The following AGAP1 variants were observed in gnomAD, a reference collection of about 807,000 sequenced individuals.
AGAP1 encodes arf-GAP with GTPase, ANK repeat and PH domain-containing protein 1.
In AGAP1, 29 loss-of-function variants were observed where a neutral mutation model predicts 105.3. The ratio of observed to expected loss-of-function variants is 0.28; its 90% CI spans 0.21 to 0.38. The LOEUF is 0.38. Among genes scored for constraint, AGAP1 ranks in the 10% least tolerant of loss-of-function variants. The pLI, the probability that AGAP1 is intolerant of heterozygous loss-of-function variation, is 1.00. For missense variants in AGAP1, 998 were observed against 1,165.1 expected (o/e 0.86, Z 2.09); for synonymous variants, 509 against 485.9 (o/e 1.05, Z -0.63).
rs1575651289 is a variant in AGAP1 at position 235,867,536 on chromosome 2, A to T, written c.1051-15809A>T. Among the ~76,000 whole-genome samples, 1 of 123,240 alleles carries T rather than the reference A, an allele frequency of 8.1e-6. No homozygotes were observed. The highest frequency in any genetic ancestry group is 1.7e-5 in the Non-Finnish European group (1 of 57,418). The allele number at this position is 123,240 out of a possible 152,430, so 80.9% of individuals were successfully genotyped here. A position where few individuals can be genotyped will look rare whatever the true frequency, so the allele number is the denominator to read the frequency against. On this transcript the variant is annotated intron_variant, in intron 9 of 17. Transcript: ENST00000304032. The surrounding 1 kb of genome is among the most constrained non-coding windows in gnomAD (Gnocchi z 5.4). The stretch of plus-strand genomic sequence containing the variant: ...ATCATACACCTTATGCTGGTGCTGC[A>T]GTGTGTGTGTGTGTGTGTGTGTGTG...
rs927722509 is a variant in AGAP1 at position 235,793,119 on chromosome 2, C to G, written c.674-4640C>G. ...GAATGACGAGGAACGCCACATGCTG[C>G]TCAGAGGTCCAGGAAGGTGCGACCT... On this transcript the variant is annotated intron_variant, in intron 6 of 17. Coordinates refer to ENST00000304032, the MANE Select transcript of AGAP1 (RefSeq NM_001037131.3). The surrounding 1 kb of genome is among the most constrained non-coding windows in gnomAD (Gnocchi z 5.3). 3.3e-5 allele frequency among the ~76,000 whole-genome samples: 5 copies of G among 152,120 alleles called. No homozygotes were observed. The highest frequency in any genetic ancestry group is 5.9e-5 in the Non-Finnish European group (4 of 68,030).
rs1274332014 is a variant in AGAP1, at chr2:236,020,455, A to G, written c.1646-16106A>G. On this transcript the variant is annotated intron_variant, in intron 13 of 17. Coordinates refer to ENST00000304032, the MANE Select transcript of AGAP1 (RefSeq NM_001037131.3). This position sits in a 1 kb window ranked among gnomAD's most constrained non-coding sequence, Gnocchi z 5.0. ...CTGCTTCCATTTGCTGTCATCTGAGAAGAATCGTCAGTTGTAGAAATTTGG... is the reference window on the plus strand; with the variant it reads ...CTGCTTCCATTTGCTGTCATCTGAGGAGAATCGTCAGTTGTAGAAATTTGG... Among the ~76,000 whole-genome samples the G allele has an allele frequency of 6.6e-6, 1 of 152,226 alleles. No homozygotes were observed. The highest frequency in any genetic ancestry group is 1.5e-5 in the Non-Finnish European group (1 of 68,042).
In AGAP1 at chr2:236,124,178, TCTCG is replaced by T. The variant is rs2059967231; in HGVS notation, c.*60_*63del. 1.3e-6 allele frequency: 2 copies of T among 1,583,528 alleles called. No individual in the cohort carries two copies. Among genetic ancestry groups the T allele is most frequent in the South Asian group, 1.1e-5 (1 of 88,850 alleles). On this transcript the variant is annotated 3_prime_UTR_variant, in exon 18 of 18. Coordinates refer to ENST00000304032, the MANE Select transcript of AGAP1 (RefSeq NM_001037131.3). This position sits in a 1 kb window ranked among gnomAD's most constrained non-coding sequence, Gnocchi z 5.1. ...CTGGGACGCGGCAGCCTCGCCGCAT[TCTCG>T]CTCAGAAGTCGCAGCACGTGAGTCC...
intron 9 of AGAP1, among the ~76,000 whole-genome samples, chr2:235,810,895 A>G (rs995670283): frequency 6.6e-6 from 1 of 151,294 alleles, no homozygotes; most frequent in Non-Finnish European, 1.5e-5. Flanking sequence ...GAAGCAAAGC[A>G]AGAAAAAGCC....
chr2:235,942,760 A>T (rs1465301480), intron 12 of AGAP1, among the ~76,000 whole-genome samples: 6 of 152,074 alleles, frequency 3.9e-5, no homozygotes, highest in African/African-American at 7.2e-5. Flanking sequence ...TTAATTTTTT[A>T]GTCCCCATGT....
chr2:235,522,637 G>A (rs953075598), intron 1 of AGAP1, among the ~76,000 whole-genome samples: 17 of 152,098 alleles, frequency 1.1e-4, no homozygotes, highest in Non-Finnish European at 2.4e-4. Flanking sequence ...TTGCAGGGAC[G>A]GGGTGATGCC....
At chr2:235,884,157 A>G (rs13010456) in intron 10 of AGAP1, among the ~76,000 whole-genome samples, 57,042 of 152,014 alleles carry the variant, frequency 0.38, 11,118 homozygotes, top group South Asian at 0.64. Flanking sequence ...ATGCAGAGAA[A>G]TGTGTAGATT....
chr2:235,656,991 CAATT>C lies in AGAP1; in HGVS notation c.164-52184_164-52181del, dbSNP rs1392522566. Among the ~76,000 whole-genome samples, 3 of 152,160 alleles carry C rather than the reference CAATT, an allele frequency of 2.0e-5. No homozygotes were observed. In the East Asian group the frequency reaches 5.8e-4, roughly 29 times the overall value. On this transcript the variant is annotated intron_variant, in intron 1 of 17. Transcript: ENST00000304032. ...AGACATGCATGATTTTAAATGAATC[CAATT>C]AATATTCCATTGAAAAGTGGAAACC... is the stretch of plus-strand genomic sequence containing the variant.
At chr2:235,835,091 C>T (rs572660807) in intron 9 of AGAP1, among the ~76,000 whole-genome samples, 4 of 152,322 alleles carry the variant, frequency 2.6e-5, no homozygotes, top group South Asian at 4.1e-4. Context: ...CTTTTGCTCT[C>T]CCCGATTGCA....
Position 235,586,028 on chromosome 2 carries a change from C to T in AGAP1, c.163+91179C>T, listed in dbSNP as rs956040416. 1.3e-5 allele frequency among the ~76,000 whole-genome samples: 2 copies of T among 152,054 alleles called. No homozygotes were observed. Among genetic ancestry groups the T allele is most frequent in the African/African-American group, 4.8e-5 (2 of 41,404 alleles). Reference sequence around the variant, plus strand: ...TATTTAGGCAGGTTCTGGCAACAGACTTGGTGTTGGGCTTGAGTGGGAAGG... The same window carrying T: ...TATTTAGGCAGGTTCTGGCAACAGATTTGGTGTTGGGCTTGAGTGGGAAGG... On this transcript the variant is annotated intron_variant, in intron 1 of 17. Coordinates refer to ENST00000304032, the MANE Select transcript of AGAP1 (RefSeq NM_001037131.3). The surrounding 1 kb of genome is among the most constrained non-coding windows in gnomAD (Gnocchi z 4.2).
In AGAP1 at chr2:235,994,547, C is replaced by T. The variant is rs979337981; in HGVS notation, c.1645+25924C>T. On this transcript the variant is annotated intron_variant, in intron 13 of 17. Transcript: ENST00000304032. This position sits in a 1 kb window ranked among gnomAD's most constrained non-coding sequence, Gnocchi z 4.4. ...CACTGTCATCGTCATAGTGGGGACACACTGAGAGGTTACTTTCTACCAAAC... is the reference window on the plus strand; with the variant it reads ...CACTGTCATCGTCATAGTGGGGACATACTGAGAGGTTACTTTCTACCAAAC... Among the ~76,000 whole-genome samples, 3 of 152,128 alleles carry T rather than the reference C, an allele frequency of 2.0e-5. No individual in the cohort carries two copies. The highest frequency in any genetic ancestry group is 4.4e-5 in the Non-Finnish European group (3 of 68,034).
intron 13 of AGAP1, among the ~76,000 whole-genome samples, chr2:235,969,454 G>C (rs2054548437): frequency 6.6e-6 from 1 of 152,208 alleles, no homozygotes; most frequent in Non-Finnish European, 1.5e-5. Context: ...ACAATGGTGA[G>C]AGAGTGTGGT....
In AGAP1 at chr2:235,722,959, G is replaced by A. The variant is rs1340865274; in HGVS notation, c.310+5315G>A. Among the ~76,000 whole-genome samples, 3 of 152,286 alleles carry A rather than the reference G, an allele frequency of 2.0e-5. No individual in the cohort carries two copies. The East Asian group carries it at 5.8e-4, about 29-fold the overall frequency. ...AAGAAAGTTTACAAATTAGCGTTGG[G>A]CCGCATCCAAAGCTGTCCTGGTTGG... On this transcript the variant is annotated intron_variant, in intron 3 of 17. Transcript: ENST00000304032.
chr2:235,692,016 C>T lies in AGAP1; in HGVS notation c.164-17163C>T, dbSNP rs768631598. 1.3e-5 allele frequency among the ~76,000 whole-genome samples: 2 copies of T among 152,188 alleles called. No individual in the cohort carries two copies. Among genetic ancestry groups the T allele is most frequent in the Non-Finnish European group, 2.9e-5 (2 of 68,030 alleles). On this transcript the variant is annotated intron_variant, in intron 1 of 17. Coordinates refer to ENST00000304032, the MANE Select transcript of AGAP1 (RefSeq NM_001037131.3). This position sits in a 1 kb window ranked among gnomAD's most constrained non-coding sequence, Gnocchi z 5.8. Reference sequence around the variant, plus strand: ...GGTTATCTAGTTACTAGTGGTAAGACAGAGCCAGTTAACAAAGACTATAAA... The same window carrying T: ...GGTTATCTAGTTACTAGTGGTAAGATAGAGCCAGTTAACAAAGACTATAAA...
At chr2:236,094,017 T>C (rs984739246) in intron 16 of AGAP1, among the ~76,000 whole-genome samples, 5 of 152,206 alleles carry the variant, frequency 3.3e-5, no homozygotes, top group Non-Finnish European at 7.3e-5. Context: ...AACAGTCATA[T>C]GGCTGTAACA....
intron 1 of AGAP1, among the ~76,000 whole-genome samples, chr2:235,607,124 T>G (rs1945968322): frequency 6.6e-6 from 1 of 152,144 alleles, no homozygotes; most frequent in South Asian, 2.1e-4. Flanking sequence ...AAGGGACGTT[T>G]CCCGGATTCG....
intron 3 of AGAP1, among the ~76,000 whole-genome samples, chr2:235,735,291 A>G (rs1373938807): frequency 1.3e-5 from 2 of 152,196 alleles, no homozygotes; most frequent in Non-Finnish European, 2.9e-5. Flanking sequence ...TTGACTCCCA[A>G]AAGGGCCCTT....
chr2:235,576,300 T>G (rs920551433), intron 1 of AGAP1, among the ~76,000 whole-genome samples: 5 of 152,234 alleles, frequency 3.3e-5, no homozygotes, highest in Admixed American at 3.3e-4. Context: ...GTCTTTTCTA[T>G]AAAAGTGTTT....
At chr2:236,071,928 G>C (rs1474229880) in intron 16 of AGAP1, among the ~76,000 whole-genome samples, 1 of 152,090 alleles carries the variant, frequency 6.6e-6, no homozygotes, top group African/African-American at 2.4e-5. Context: ...CCAGATCTTG[G>C]AATTATCCAC....
Sources: gnomAD v4.1 joint callset for allele counts (sites outside exome capture counted in the v4.1 genomes callset) on GRCh38, gnomAD v4.1.1 for gene constraint, Gnocchi (gnomAD v3.1) non-coding constraint, MANE v1.5 for transcripts, NCBI Gene and HGNC (gene_info 2026-07-23, HGNC 2026-07-21) for gene names.